The following ANKRD11 variants were observed in gnomAD, a reference collection of about 807,000 sequenced individuals.
ANKRD11 encodes ankyrin repeat domain-containing protein 11.
ANKRD11 carries 17 observed loss-of-function variants against 195.7 expected under a neutral mutation model. The observed-to-expected ratio is 0.09, with a 90% CI of 0.06 to 0.13. ANKRD11 has a LOEUF of 0.13. Among genes scored for constraint, ANKRD11 ranks in the 10% least tolerant of loss-of-function variants. The pLI, the probability that ANKRD11 is intolerant of heterozygous loss-of-function variation, is 1.00. For synonymous variants in ANKRD11, 1,953 were observed against 1,528.1 expected (o/e 1.28, Z -6.49); for missense variants, 3,735 against 3,566.1 (o/e 1.05, Z -1.21).
chr16:89,304,239 C>T (rs577587726), intron 4 of ANKRD11, among the ~76,000 whole-genome samples: 15 of 152,312 alleles, frequency 9.8e-5, no homozygotes, highest in African/African-American at 2.2e-4. Context: ...CCACCAGGAG[C>T]GTGTGCACAT....
intron 2 of ANKRD11, among the ~76,000 whole-genome samples, chr16:89,382,502 T>C (rs1381564338): frequency 6.6e-6 from 1 of 151,882 alleles, no homozygotes; most frequent in Non-Finnish European, 1.5e-5. Context: ...ATTTTTTGTA[T>C]TTTTAATAGA....
intron 3 of ANKRD11, among the ~76,000 whole-genome samples, chr16:89,313,064 G>A (rs914387438): frequency 3.5e-4 from 53 of 152,056 alleles, no homozygotes; most frequent in African/African-American, 1.3e-3. Flanking sequence ...CCAGCCTCTC[G>A]GCCTCCACAC....
At chr16:89,382,245 G>C (rs144059738) in intron 2 of ANKRD11, among the ~76,000 whole-genome samples, 476 of 152,182 alleles carry the variant, frequency 3.1e-3, no homozygotes, top group African/African-American at 0.01. Context: ...CCCAAGCAAA[G>C]TTAAAAGGTG....
intron 4 of ANKRD11, among the ~76,000 whole-genome samples, chr16:89,304,633 T>C (rs1004785291): frequency 6.8e-6 from 1 of 147,206 alleles, no homozygotes; most frequent in Non-Finnish European, 1.5e-5. Context: ...GGCACACACA[T>C]GAGGGCATGC....
At chr16:89,419,451 TAA>T (rs772809896) in intron 1 of ANKRD11, among the ~76,000 whole-genome samples, 21 of 132,146 alleles carry the variant, frequency 1.6e-4, no homozygotes, top group Non-Finnish European at 1.6e-4. Context: ...AAACTCGTCT[TAA>T]AAAAAAAAAA....
At chr16:89,471,165 A>C (rs1298519955) in intron 1 of ANKRD11, among the ~76,000 whole-genome samples, 1 of 151,872 alleles carries the variant, frequency 6.6e-6, no homozygotes, top group Admixed American at 6.6e-5. Context: ...TCAGCCTGAC[A>C]GCAGAGTGAG....
intron 2 of ANKRD11, among the ~76,000 whole-genome samples, chr16:89,326,477 G>A (rs1034840560): frequency 4.6e-5 from 7 of 152,084 alleles, no homozygotes; most frequent in African/African-American, 9.7e-5. Flanking sequence ...AGGCACGGTG[G>A]CTCACCCCTG....
chr16:89,384,420 A>T (rs2040800840), intron 2 of ANKRD11, among the ~76,000 whole-genome samples: 1 of 152,124 alleles, frequency 6.6e-6, no homozygotes, highest in Non-Finnish European at 1.5e-5. Context: ...AATCCCAGCT[A>T]TGTGGGGGGC....
At position 89,283,352 on chromosome 16, in the gene ANKRD11, C is replaced by T; in HGVS notation, c.3190G>A (p.Glu1064Lys). 1 of 1,613,724 alleles carries T rather than the reference C, an allele frequency of 6.2e-7. No homozygotes were observed. Among genetic ancestry groups the T allele is most frequent in the Middle Eastern group, 1.6e-4 (1 of 6,062 alleles). ...KCFKEKKDTK[E>K]KHKDTHGKDK... ...TTGCCATGTGTGTCTTTATGTTTTT[C>T]CTTGGTATCTTTTTTCTCTTTAAAA... The change falls in exon 9 of 13, where the codon GAA (glutamate) becomes AAA (lysine). Residue 1064 changes from glutamate (E) to lysine (K), a missense_variant. Physicochemically the swap from Glu to Lys is moderately conservative, Grantham distance 56. Transcript: ENST00000301030. The surrounding 1 kb of genome is among the most constrained non-coding windows in gnomAD (Gnocchi z 4.3).
intron 3 of ANKRD11, among the ~76,000 whole-genome samples, chr16:89,315,529 C>T (rs1227334901): frequency 6.6e-6 from 1 of 152,224 alleles, no homozygotes; most frequent in African/African-American, 2.4e-5. Flanking sequence ...GTAGGCTTCA[C>T]ACACACGTGT....
Position 89,285,974 on chromosome 16 carries a change from C to T in ANKRD11, c.892+65G>A. The T allele has an allele frequency of 1.2e-6, 2 of 1,611,246 alleles. No individual in the cohort carries two copies. The highest frequency in any genetic ancestry group is 8.5e-7 in the Non-Finnish European group (1 of 1,178,636). ...GATCAGAGGGGCAACACTGTGCAAA[C>T]ACCACAGGGCAGCTCCTACCATCCC... On this transcript the variant is annotated intron_variant, in intron 8 of 12. Coordinates refer to ENST00000301030, the MANE Select transcript of ANKRD11 (RefSeq NM_013275.6). The surrounding 1 kb of genome is among the most constrained non-coding windows in gnomAD (Gnocchi z 5.6).
chr16:89,318,260 G>A (rs1371688371), intron 2 of ANKRD11, among the ~76,000 whole-genome samples: 1 of 152,206 alleles, frequency 6.6e-6, no homozygotes, highest in Non-Finnish European at 1.5e-5. Flanking sequence ...CTCCCTGCCT[G>A]TGGGCCTTCT....
At chr16:89,270,614 A>C in intron 12 of ANKRD11, 1 of 620,902 alleles carries the variant, frequency 1.6e-6, no homozygotes, top group Non-Finnish European at 2.9e-6. Context: ...ACAGAAGGGA[A>C]GACTGAGGAG....
intron 2 of ANKRD11, among the ~76,000 whole-genome samples, chr16:89,374,008 G>C (rs2040309774): frequency 1.3e-5 from 2 of 152,222 alleles, no homozygotes; most frequent in East Asian, 1.9e-4. Context: ...AATACCTGCA[G>C]GACAGGAGCT....
At chr16:89,326,992 T>G (rs1279078592) in intron 2 of ANKRD11, among the ~76,000 whole-genome samples, 2 of 139,044 alleles carry the variant, frequency 1.4e-5, no homozygotes, top group East Asian at 2.1e-4. Context: ...AATGCAGAGG[T>G]GGGGAATGCA....
At chr16:89,357,602 A>G (rs2039543759) in intron 2 of ANKRD11, among the ~76,000 whole-genome samples, 1 of 152,238 alleles carries the variant, frequency 6.6e-6, no homozygotes, top group South Asian at 2.1e-4. Flanking sequence ...ATGGTTCCCA[A>G]CAGCAAACCC....
In ANKRD11 at chr16:89,367,294, G is replaced by T. The variant is rs187223920; in HGVS notation, c.-59-50216C>A. Among the ~76,000 whole-genome samples the T allele has an allele frequency of 5.9e-4, 90 of 152,372 alleles. 1 individual carries two copies. The highest frequency in any genetic ancestry group is 2.0e-3 in the African/African-American group (85 of 41,592). On this transcript the variant is annotated intron_variant, in intron 2 of 12. Coordinates refer to ENST00000301030, the MANE Select transcript of ANKRD11 (RefSeq NM_013275.6). ...CTCCAGACTCCTGCCGCAGGGGCCA[G>T]TGCTGGCCCAGCAGTACCGGGAGCC...
intron 2 of ANKRD11, among the ~76,000 whole-genome samples, chr16:89,410,526 G>A (rs1257626795): frequency 6.6e-6 from 1 of 152,094 alleles, no homozygotes; most frequent in Non-Finnish European, 1.5e-5. Context: ...GGAAACACCT[G>A]CCCCCGGGCT....
chr16:89,475,987 G>A (rs1329577787), intron 1 of ANKRD11, among the ~76,000 whole-genome samples: 1 of 151,796 alleles, frequency 6.6e-6, no homozygotes, highest in Non-Finnish European at 1.5e-5. Context: ...GGGAGGTGGA[G>A]GTTGCAGGGA....
Sources: allele counts gnomAD v4.1 joint callset (sites outside exome capture counted in the v4.1 genomes callset), GRCh38; gene constraint gnomAD v4.1.1; non-coding constraint Gnocchi (gnomAD v3.1); transcripts MANE v1.5; gene names NCBI Gene and HGNC (gene_info 2026-07-23, HGNC 2026-07-21).